Variants in CR1L observed in about 807,000 individuals in gnomAD.
CR1L encodes complement component receptor 1-like protein.
A neutral mutation model predicts 62.3 loss-of-function variants in CR1L; 59 were observed. The observed-to-expected ratio is 0.95, with a 90% CI of 0.77 to 1.18. The LOEUF is 1.18. Among genes scored for constraint, CR1L ranks in the 50% most tolerant of loss-of-function variants. The probability of loss-of-function intolerance (pLI) is 0.00; values close to 1 mark genes in which losing one functional copy is unlikely to be tolerated. For synonymous variants in CR1L, 279 were observed against 248.7 expected (o/e 1.12, Z -1.15); for missense variants, 700 against 702.8 (o/e 1.00, Z 0.04).
intron 1 of CR1L, among the ~76,000 whole-genome samples, chr1:207,677,034 G>C (rs900286638): frequency 2.0e-5 from 3 of 152,058 alleles, no homozygotes; most frequent in Non-Finnish European, 4.4e-5. Context: ...AGGAAGTAGA[G>C]TGGGAATTTC....
chr1:207,657,361 C>G (rs547401815), intron 1 of CR1L: 1 of 777,244 alleles, frequency 1.3e-6, no homozygotes, highest in East Asian at 2.5e-5. Context: ...TGTAAGTACT[C>G]TGGAAATATT....
chr1:207,694,108 G>T (rs1440297203), intron 4 of CR1L, among the ~76,000 whole-genome samples: 2 of 152,062 alleles, frequency 1.3e-5, no homozygotes, highest in Non-Finnish European at 2.9e-5. Flanking sequence ...TAATCAAAGG[G>T]CTATTTAAAA....
rs1464401426 is a variant in CR1L at position 207,710,307 on chromosome 1, C to T, written c.1414+2044C>T. 7.8e-6 allele frequency: 7 copies of T among 896,028 alleles called. No individual in the cohort carries two copies. In the African/African-American group the frequency reaches 9.8e-5, roughly 13 times the overall value. 55.5% of individuals were successfully genotyped at this position (896,028 alleles called of 1,614,324 possible). On this transcript the variant is annotated intron_variant, in intron 10 of 11. Coordinates refer to ENST00000508064, the MANE Select transcript of CR1L (RefSeq NM_175710.2). Reference sequence around the variant, plus strand: ...GCAGTGAGCCATGATCGTGCCACTGCACTCCAGCCTGGGCGACAGAGCAAG... The same window carrying T: ...GCAGTGAGCCATGATCGTGCCACTGTACTCCAGCCTGGGCGACAGAGCAAG...
intron 1 of CR1L, chr1:207,669,446 TG>T (rs1447018295): frequency 5.1e-6 from 7 of 1,367,280 alleles, no homozygotes; most frequent in Non-Finnish European, 5.2e-6. Context: ...TTCGGGAGGA[TG>T]GGGGTCTCTT....
At chr1:207,662,906 G>A (rs1454173263) in intron 1 of CR1L, among the ~76,000 whole-genome samples, 2 of 152,202 alleles carry the variant, frequency 1.3e-5, no homozygotes, top group South Asian at 2.1e-4. Context: ...GTTTGCTGGA[G>A]GTCCACTCTA....
At chr1:207,665,306 G>C (rs541678605) in intron 1 of CR1L, among the ~76,000 whole-genome samples, 1 of 152,142 alleles carries the variant, frequency 6.6e-6, no homozygotes, top group African/African-American at 2.4e-5. Context: ...CATCTGCCTT[G>C]GTATCCCAAA....
At chr1:207,715,652 G>C (rs1241173037) in intron 10 of CR1L, among the ~76,000 whole-genome samples, 1 of 152,088 alleles carries the variant, frequency 6.6e-6, no homozygotes, top group Non-Finnish European at 1.5e-5. Context: ...TAAAAGTGCA[G>C]CACATTTTAG....
chr1:207,716,136 T>G (rs1653992418), intron 10 of CR1L, among the ~76,000 whole-genome samples: 1 of 152,136 alleles, frequency 6.6e-6, no homozygotes, highest in Admixed American at 6.6e-5. Flanking sequence ...AGTAAAAGAA[T>G]AGTGAAGCCA....
intron 3 of CR1L, among the ~76,000 whole-genome samples, chr1:207,678,645 T>C (rs749069683): frequency 6.6e-6 from 1 of 152,224 alleles, no homozygotes; most frequent in Non-Finnish European, 1.5e-5. Context: ...AGCAGCTGTG[T>C]GAGAGAAATC....
At chr1:207,688,195 G>C (rs538190776) in intron 4 of CR1L, among the ~76,000 whole-genome samples, 1 of 152,282 alleles carries the variant, frequency 6.6e-6, no homozygotes, top group African/African-American at 2.4e-5. Context: ...AGGATCCCTT[G>C]AGCACAGGGG....
At chr1:207,678,605 G>A (rs1468037182) in intron 3 of CR1L, among the ~76,000 whole-genome samples, 1 of 152,210 alleles carries the variant, frequency 6.6e-6, no homozygotes, top group Non-Finnish European at 1.5e-5. Flanking sequence ...ACACAGATTA[G>A]ACATTGCTCA....
chr1:207,651,471 C>T (rs1280417439), intron 1 of CR1L, among the ~76,000 whole-genome samples: 1 of 151,964 alleles, frequency 6.6e-6, no homozygotes, highest in Non-Finnish European at 1.5e-5. Flanking sequence ...GGACCATGAC[C>T]AGGGAGTAAG....
At chr1:207,688,949 A>T (rs142790051) in intron 4 of CR1L, among the ~76,000 whole-genome samples, 2,032 of 152,192 alleles carry the variant, frequency 0.013, 42 homozygotes, top group African/African-American at 0.047. Context: ...CTGCATAATT[A>T]TGTCATCTAT....
At chr1:207,719,350 G>A (rs963768617) in intron 11 of CR1L, among the ~76,000 whole-genome samples, 9 of 151,892 alleles carry the variant, frequency 5.9e-5, no homozygotes, top group Middle Eastern at 3.2e-3. Context: ...AGGGTTAATA[G>A]TGTTATCTTA....
At chr1:207,682,135 T>G (rs916869293) in intron 3 of CR1L, among the ~76,000 whole-genome samples, 1 of 151,942 alleles carries the variant, frequency 6.6e-6, no homozygotes, top group African/African-American at 2.4e-5. Flanking sequence ...CCCCAGAACT[T>G]AAAGTATAAT....
Position 207,697,568 on chromosome 1 carries a change from C to T in CR1L, c.928C>T (p.Pro310Ser). 1 of 1,613,816 alleles carries T rather than the reference C, an allele frequency of 6.2e-7. No homozygotes were observed. The highest frequency in any genetic ancestry group is 8.5e-7 in the Non-Finnish European group (1 of 1,179,744). Residue 310 changes from proline to serine, a missense_variant, in exon 6 of 12, where the codon CCC (proline) becomes TCC (serine). Coordinates refer to ENST00000508064, the MANE Select transcript of CR1L (RefSeq NM_175710.2). ...RTQRDKDNFS[P>S]GQEVFYSCEP... The stretch of plus-strand genomic sequence containing the variant: ...CCAAAGGGACAAGGACAACTTTTCA[C>T]CCGGGCAGGAAGTGTTCTACAGCTG...
intron 3 of CR1L, among the ~76,000 whole-genome samples, chr1:207,683,008 C>CTTTTCTT: frequency 8.1e-6 from 1 of 122,788 alleles, no homozygotes; most frequent in South Asian, 3.4e-4. Flanking sequence ...TTCTTTCTTT[C>CTTTTCTT]TTTTTCTTTC....
intron 1 of CR1L, among the ~76,000 whole-genome samples, chr1:207,647,828 C>T (rs1410733393): frequency 6.6e-6 from 1 of 152,116 alleles, no homozygotes; most frequent in Non-Finnish European, 1.5e-5. Flanking sequence ...TTGCATCTCA[C>T]TGATCATTAA....
intron 10 of CR1L, among the ~76,000 whole-genome samples, chr1:207,714,147 CA>C (rs1318795864): frequency 1.3e-5 from 2 of 152,182 alleles, no homozygotes; most frequent in Admixed American, 1.3e-4. Context: ...AGCTTCTCAG[CA>C]GAGAAGAGAC....
Sources: allele counts gnomAD v4.1 joint callset (sites outside exome capture counted in the v4.1 genomes callset), GRCh38; gene constraint gnomAD v4.1.1; transcripts MANE v1.5; gene names NCBI Gene and HGNC (gene_info 2026-07-23, HGNC 2026-07-21).